Variants in HS3ST4 observed in about 807,000 individuals in gnomAD.
HS3ST4 encodes heparan sulfate glucosamine 3-O-sulfotransferase 4.
In HS3ST4, 17 loss-of-function variants were observed where a neutral mutation model predicts 29.2. The observed-to-expected ratio is 0.58, with a 90% confidence interval of 0.40 to 0.87. The LOEUF (loss-of-function observed/expected upper bound fraction) is 0.87. Ranked by LOEUF, HS3ST4 falls within the 40% of genes least tolerant of loss-of-function variation. The pLI, the probability that HS3ST4 is intolerant of heterozygous loss-of-function variation, is 0.00. For missense variants in HS3ST4, 627 were observed against 634.5 expected (o/e 0.99, Z 0.13); for synonymous variants, 314 against 285.7 (o/e 1.10, Z -1.00).
chr16:26,002,218 A>G (rs935186599), intron 1 of HS3ST4, among the ~76,000 whole-genome samples: 11 of 152,200 alleles, frequency 7.2e-5, no homozygotes, highest in Middle Eastern at 3.2e-3. Flanking sequence ...AAATCTCCCT[A>G]TGAAATCTGA....
chr16:25,871,419 A>T (rs921305781), intron 1 of HS3ST4, among the ~76,000 whole-genome samples: 4 of 152,200 alleles, frequency 2.6e-5, no homozygotes, highest in African/African-American at 9.6e-5. Flanking sequence ...AAGGCAAATC[A>T]ACATTGGTGT....
At chr16:25,831,330 A>G in intron 1 of HS3ST4, among the ~76,000 whole-genome samples, 1 of 151,580 alleles carries the variant, frequency 6.6e-6, no homozygotes, top group Admixed American at 6.6e-5. Context: ...TGGCAGGCCA[A>G]GTTGGGAGGA....
intron 1 of HS3ST4, among the ~76,000 whole-genome samples, chr16:25,879,949 T>C (rs1051280001): frequency 4.6e-5 from 7 of 152,054 alleles, no homozygotes; most frequent in Non-Finnish European, 1.0e-4. Flanking sequence ...GTGAGACTTA[T>C]TCACTACCAC....
intron 1 of HS3ST4, among the ~76,000 whole-genome samples, chr16:25,831,886 G>T (rs1596585147): frequency 6.6e-6 from 1 of 152,102 alleles, no homozygotes; most frequent in African/African-American, 2.4e-5. Flanking sequence ...CAGGAGGATT[G>T]CTGGGGTCCA....
chr16:25,949,284 G>A (rs922638890), intron 1 of HS3ST4, among the ~76,000 whole-genome samples: 2 of 151,974 alleles, frequency 1.3e-5, no homozygotes, highest in African/African-American at 4.8e-5. Context: ...ATCCTATGGT[G>A]CTCTCAAATA....
In HS3ST4 at chr16:26,136,830, G is replaced by A. The variant is rs1898289764; in HGVS notation, c.*582G>A. 6.5e-6 allele frequency: 1 copy of A among 154,890 alleles called. No homozygotes were observed. The highest frequency in any genetic ancestry group is 2.4e-5 in the African/African-American group (1 of 41,390). 9.6% of individuals were successfully genotyped at this position (154,890 alleles called of 1,614,324 possible). On this transcript the variant is annotated 3_prime_UTR_variant, in exon 2 of 2. Coordinates refer to ENST00000331351, the MANE Select transcript of HS3ST4 (RefSeq NM_006040.3). ...CTGACTTCCTCCCTCCCCACATCATGAAGGCAGAGGCATGCACATTCCTCA... is the reference window on the plus strand; with the variant it reads ...CTGACTTCCTCCCTCCCCACATCATAAAGGCAGAGGCATGCACATTCCTCA...
chr16:26,078,042 G>A (rs1252517327), intron 1 of HS3ST4, among the ~76,000 whole-genome samples: 1 of 152,110 alleles, frequency 6.6e-6, no homozygotes, highest in Non-Finnish European at 1.5e-5. Flanking sequence ...CTGCAGTGTG[G>A]GTAACAGAAC....
At chr16:26,121,466 C>T (rs1021727193) in intron 1 of HS3ST4, among the ~76,000 whole-genome samples, 6 of 152,082 alleles carry the variant, frequency 3.9e-5, no homozygotes, top group African/African-American at 1.2e-4. Flanking sequence ...CTCAGAATTG[C>T]GATGGTCCAT....
intron 1 of HS3ST4, among the ~76,000 whole-genome samples, chr16:25,868,716 C>T (rs190325415): frequency 1.3e-5 from 2 of 152,280 alleles, no homozygotes; most frequent in East Asian, 3.9e-4. Context: ...AACCTAAAAA[C>T]TGGTTAGGAA....
intron 1 of HS3ST4, among the ~76,000 whole-genome samples, chr16:26,115,788 C>T (rs184186306): frequency 7.5e-4 from 114 of 152,170 alleles, no homozygotes; most frequent in African/African-American, 2.6e-3. Context: ...ACGATGAGCA[C>T]CAAGATCATC....
chr16:26,074,501 G>A (rs894905540), intron 1 of HS3ST4, among the ~76,000 whole-genome samples: 8 of 152,146 alleles, frequency 5.3e-5, no homozygotes, highest in African/African-American at 1.9e-4. Context: ...TTCGAATGTC[G>A]CTGTGATGTC....
intron 1 of HS3ST4, among the ~76,000 whole-genome samples, chr16:25,720,093 G>T (rs895767965): frequency 6.6e-6 from 1 of 152,198 alleles, no homozygotes; most frequent in Admixed American, 6.5e-5. Flanking sequence ...GCACAGGAGA[G>T]AAAATAATGG....
intron 1 of HS3ST4, among the ~76,000 whole-genome samples, chr16:25,769,767 G>A (rs1206915398): frequency 6.6e-6 from 1 of 152,186 alleles, no homozygotes; most frequent in Non-Finnish European, 1.5e-5. Flanking sequence ...GATAATGAAC[G>A]CAGGGTGTCT....
chr16:25,785,640 A>G (rs917463734), intron 1 of HS3ST4, among the ~76,000 whole-genome samples: 6 of 152,228 alleles, frequency 3.9e-5, no homozygotes, highest in Non-Finnish European at 1.5e-5. Context: ...AGGCAGTTAG[A>G]TAATGAGTAG....
At chr16:25,838,981 G>C (rs1197960496) in intron 1 of HS3ST4, among the ~76,000 whole-genome samples, 1 of 152,156 alleles carries the variant, frequency 6.6e-6, no homozygotes, top group African/African-American at 2.4e-5. Flanking sequence ...TTTGGTTAAG[G>C]GGATCTGGCA....
At chr16:26,130,641 A>G (rs1478886770) in intron 1 of HS3ST4, among the ~76,000 whole-genome samples, 1 of 152,232 alleles carries the variant, frequency 6.6e-6, no homozygotes, top group East Asian at 1.9e-4. Context: ...GGGAATTAGA[A>G]GAAGTTCATG....
intron 1 of HS3ST4, among the ~76,000 whole-genome samples, chr16:25,741,022 A>G (rs1044851988): frequency 3.9e-5 from 6 of 152,246 alleles, no homozygotes; most frequent in African/African-American, 1.4e-4. Flanking sequence ...TTTTGATTAT[A>G]CTACATAAAG....
At chr16:25,880,568 G>A (rs904825881) in intron 1 of HS3ST4, among the ~76,000 whole-genome samples, 6 of 152,246 alleles carry the variant, frequency 3.9e-5, no homozygotes, top group African/African-American at 1.4e-4. Context: ...CCCTTACAAT[G>A]TATAGCCGCT....
At chr16:25,711,630 A>C (rs1470164558) in intron 1 of HS3ST4, among the ~76,000 whole-genome samples, 1 of 152,170 alleles carries the variant, frequency 6.6e-6, no homozygotes, top group African/African-American at 2.4e-5. Context: ...CTGCCTTTAG[A>C]AAAGTGTTCT....
Sources: allele counts gnomAD v4.1 joint callset (sites outside exome capture counted in the v4.1 genomes callset), GRCh38; gene constraint gnomAD v4.1.1; transcripts MANE v1.5; gene names NCBI Gene and HGNC (gene_info 2026-07-23, HGNC 2026-07-21).